Variants in NID1 observed in about 807,000 individuals in gnomAD.
NID1 encodes nidogen-1.
NID1 carries 76 observed loss-of-function variants against 130.6 expected under a neutral mutation model. That is an observed-to-expected ratio of 0.58 (90% CI 0.48 to 0.70). NID1 has a LOEUF of 0.70. Among genes scored for constraint, NID1 ranks in the 30% least tolerant of loss-of-function variants. NID1 has a pLI of 0.00. For missense variants in NID1, 1,517 were observed against 1,664.8 expected (o/e 0.91, Z 1.54); for synonymous variants, 665 against 675.1 (o/e 0.98, Z 0.23).
At chr1:236,014,632 A>G (rs1658531084) in intron 10 of NID1, among the ~76,000 whole-genome samples, 1 of 152,090 alleles carries the variant, frequency 6.6e-6, no homozygotes, top group Non-Finnish European at 1.5e-5. Context: ...AGTCCCATCT[A>G]CTGGCCTCTC....
rs143996162 is a variant in NID1, at chr1:236,036,315, C to G, written c.1285+1789G>C. ...TAAGTAAAGCATACTCAATTGTCTT[C>G]CATTGCTGAAGGTAGTATTTTTTAA... On this transcript the variant is annotated intron_variant, in intron 5 of 19. Coordinates refer to ENST00000264187, the MANE Select transcript of NID1 (RefSeq NM_002508.3). Among the ~76,000 whole-genome samples, 378 of 152,302 alleles carry G rather than the reference C, an allele frequency of 2.5e-3. 3 individuals carry two copies. Among genetic ancestry groups the G allele is most frequent in the African/African-American group, 8.5e-3 (354 of 41,562 alleles).
At chr1:236,007,086 C>T (rs188821082) in intron 12 of NID1, among the ~76,000 whole-genome samples, 206 of 152,248 alleles carry the variant, frequency 1.4e-3, no homozygotes, top group Admixed American at 2.3e-3. Flanking sequence ...TGCAGGGGCA[C>T]GATCATAGCT....
chr1:236,012,578 A>AAAAAAAAAAAAAAAAAAG (rs1553343926), intron 11 of NID1, among the ~76,000 whole-genome samples: 2 of 99,544 alleles, frequency 2.0e-5, no homozygotes, highest in African/African-American at 8.7e-5. Flanking sequence ...AAAAAAAAAA[A>AAAAAAAAAAAAAAAAAAG]AAAGAAAGAA....
rs1658626717 is a variant in NID1, at chr1:236,017,274, C to T, written c.2129-1G>A. 6.2e-7 allele frequency: 1 copy of T among 1,613,426 alleles called. No homozygotes were observed. The stretch of plus-strand genomic sequence containing the variant: ...GGTTGTTCTGAACATTCATCAATAT[C>T]TGCAGCAAAAATTTTTTTTTACTGC... On this transcript the variant is annotated splice_acceptor_variant, in intron 9 of 19. Transcript: ENST00000264187. LOFTEE classifies it high-confidence loss of function.
chr1:235,988,843 G>A (rs72765413), intron 14 of NID1, among the ~76,000 whole-genome samples: 372 of 152,264 alleles, frequency 2.4e-3, no homozygotes, highest in Non-Finnish European at 4.0e-3. Flanking sequence ...AAGTAGAATC[G>A]TGGCTGCCAG....
At chr1:236,021,206 T>G (rs1048940314) in intron 9 of NID1, among the ~76,000 whole-genome samples, 1 of 152,216 alleles carries the variant, frequency 6.6e-6, no homozygotes, top group Non-Finnish European at 1.5e-5. Context: ...AGCATCATGC[T>G]GCTTTGAACT....
intron 12 of NID1, among the ~76,000 whole-genome samples, chr1:236,000,521 A>G (rs1658046942): frequency 6.6e-6 from 1 of 152,138 alleles, no homozygotes; most frequent in African/African-American, 2.4e-5. Flanking sequence ...CCAAACCAAC[A>G]TACATCTTAC....
chr1:236,064,799 G>A (rs777410890), intron 1 of NID1, 56 bp downstream of exon 1: 2 of 1,516,442 alleles, frequency 1.3e-6, no homozygotes, highest in Non-Finnish European at 1.8e-6. Context: ...CTCCACGGGC[G>A]CCCCCGGCCC....
At chr1:235,980,393 TA>T in intron 17 of NID1, 102 bp downstream of exon 17, 1 of 1,214,634 alleles carries the variant, frequency 8.2e-7, no homozygotes, top group Non-Finnish European at 1.2e-6. Flanking sequence ...CTGGGTTATA[TA>T]AAAACAGGTG....
intron 1 of NID1, among the ~76,000 whole-genome samples, chr1:236,055,871 G>A (rs916599595): frequency 1.3e-5 from 2 of 152,140 alleles, no homozygotes; most frequent in Non-Finnish European, 2.9e-5. Context: ...TGTACAACGC[G>A]ATTTGATACA....
intron 10 of NID1, among the ~76,000 whole-genome samples, chr1:236,014,717 G>A (rs181994231): frequency 3.3e-5 from 5 of 152,278 alleles, no homozygotes; most frequent in Admixed American, 3.3e-4. Context: ...CTCAAGAGAA[G>A]AGCTGATGCA....
intron 13 of NID1, among the ~76,000 whole-genome samples, chr1:235,991,749 A>G (rs1303129388): frequency 6.6e-6 from 1 of 152,188 alleles, no homozygotes; most frequent in Non-Finnish European, 1.5e-5. Flanking sequence ...ACAACAGCGA[A>G]AACAGCATCC....
intron 1 of NID1, among the ~76,000 whole-genome samples, chr1:236,050,492 G>A (rs1268805251): frequency 6.6e-6 from 1 of 151,814 alleles, no homozygotes; most frequent in African/African-American, 2.4e-5. Flanking sequence ...GGTGGGGATT[G>A]CAGTGAGCCA....
rs190373174 is a variant in NID1 at position 236,000,042 on chromosome 1, C to T, written c.2528-6170G>A. Among the ~76,000 whole-genome samples, 333 of 152,182 alleles carry T rather than the reference C, an allele frequency of 2.2e-3. 1 individual carries two copies. The highest frequency in any genetic ancestry group is 7.7e-3 in the African/African-American group (318 of 41,532). ...CAGCCTGGCCAATGTGGTGAGACCCCATCTCTACTAAAAATACAAAAATTA... is the reference window on the plus strand; with the variant it reads ...CAGCCTGGCCAATGTGGTGAGACCCTATCTCTACTAAAAATACAAAAATTA... On this transcript the variant is annotated intron_variant, in intron 12 of 19. Transcript: ENST00000264187.
chr1:235,993,703 C>T lies in NID1; in HGVS notation c.2697G>A (p.Val899=), dbSNP rs1184909720. The change falls in exon 13 of 20, where the codon GTG becomes GTA. Residue 899 remains valine, a synonymous_variant. Coordinates refer to ENST00000264187, the MANE Select transcript of NID1 (RefSeq NM_002508.3). Reference sequence around the variant, plus strand: ...CCTCCACCTCGCGGCCGTCGCGATCCACGCACCAGCAGTAGCCGGTGCTGC... The same window carrying T: ...CCTCCACCTCGCGGCCGTCGCGATCTACGCACCAGCAGTAGCCGGTGCTGC... The part of the protein sequence containing the change: ...CHGSTGYCWC[V]DRDGREVEGT... 1.2e-6 allele frequency: 2 copies of T among 1,603,516 alleles called. No homozygotes were observed. The highest frequency in any genetic ancestry group is 1.7e-6 in the Non-Finnish European group (2 of 1,172,664).
At chr1:236,014,198 T>C (rs886064245) in intron 10 of NID1, among the ~76,000 whole-genome samples, 1 of 147,526 alleles carries the variant, frequency 6.8e-6, no homozygotes, top group Non-Finnish European at 1.5e-5. Context: ...AATTGCCTTA[T>C]GTTCTTCCCC....
chr1:236,037,012 A>T (rs1659279908), intron 5 of NID1, among the ~76,000 whole-genome samples: 1 of 152,212 alleles, frequency 6.6e-6, no homozygotes, highest in African/African-American at 2.4e-5. Context: ...TTTTGTGTTA[A>T]TTCTGGAATT....
At chr1:236,020,304 T>C (rs1375474498) in intron 9 of NID1, among the ~76,000 whole-genome samples, 1 of 152,198 alleles carries the variant, frequency 6.6e-6, no homozygotes, top group Non-Finnish European at 1.5e-5. Flanking sequence ...TTTGACTTTT[T>C]TCAGAGTGGC....
intron 12 of NID1, among the ~76,000 whole-genome samples, chr1:236,010,074 A>G (rs1341292214): frequency 6.6e-6 from 1 of 152,216 alleles, no homozygotes; most frequent in African/African-American, 2.4e-5. Context: ...TGGAGATGTG[A>G]AGCAAGACTG....
Sources: gnomAD v4.1 joint callset for allele counts (sites outside exome capture counted in the v4.1 genomes callset) on GRCh38, gnomAD v4.1.1 for gene constraint, MANE v1.5 for transcripts, NCBI Gene and HGNC (gene_info 2026-07-23, HGNC 2026-07-21) for gene names.